Variants in FBXO36 observed in about 807,000 individuals in gnomAD.
FBXO36 encodes F-box only protein 36.
A neutral mutation model predicts 17.0 loss-of-function variants in FBXO36; 18 were observed. That is an observed-to-expected ratio of 1.06 (90% CI 0.73 to 1.57). The LOEUF (loss-of-function observed/expected upper bound fraction) is 1.57. Among genes scored for constraint, FBXO36 ranks in the 40% most tolerant of loss-of-function variants. The probability of loss-of-function intolerance (pLI) is 0.00; values close to 1 mark genes in which losing one functional copy is unlikely to be tolerated. For missense variants in FBXO36, 229 were observed against 221.9 expected (o/e 1.03, Z -0.20); for synonymous variants, 83 against 85.3 (o/e 0.97, Z 0.15).
chr2:229,953,324 G>A (rs1264677714), intron 1 of FBXO36, among the ~76,000 whole-genome samples: 1 of 151,262 alleles, frequency 6.6e-6, no homozygotes, highest in Non-Finnish European at 1.5e-5. Context: ...GGGCGACAGA[G>A]TGAGACTCTC....
chr2:229,994,464 G>A (rs556363666), intron 2 of FBXO36, among the ~76,000 whole-genome samples: 1 of 152,272 alleles, frequency 6.6e-6, no homozygotes, highest in South Asian at 2.1e-4. Flanking sequence ...AAGCTGGCAC[G>A]ATTGGGCTTT....
intron 1 of FBXO36, among the ~76,000 whole-genome samples, chr2:229,938,216 C>CTT (rs71049603): frequency 0.02 from 1,442 of 73,144 alleles, 59 homozygotes; most frequent in African/African-American, 0.035. Flanking sequence ...ATACAACTTT[C>CTT]TTTTTTTTTT....
At chr2:229,991,506 G>A (rs1177382178) in intron 2 of FBXO36, among the ~76,000 whole-genome samples, 2 of 152,168 alleles carry the variant, frequency 1.3e-5, no homozygotes, top group Non-Finnish European at 2.9e-5. Flanking sequence ...CAAAGAAGAA[G>A]TCATGTGAGC....
intron 2 of FBXO36, among the ~76,000 whole-genome samples, chr2:229,995,887 C>G (rs2106209761): frequency 6.6e-6 from 1 of 151,782 alleles, no homozygotes; most frequent in African/African-American, 2.4e-5. Flanking sequence ...CCTCCGTGCC[C>G]AGCCCTGTTC....
chr2:229,960,100 ATTAT>A (rs1268631211), intron 1 of FBXO36, among the ~76,000 whole-genome samples: 1 of 151,780 alleles, frequency 6.6e-6, no homozygotes, highest in Non-Finnish European at 1.5e-5. Flanking sequence ...TGATATTATA[ATTAT>A]TTATTATTAT....
At chr2:230,001,315 T>G (rs565274314) in intron 3 of FBXO36, among the ~76,000 whole-genome samples, 286 of 152,068 alleles carry the variant, frequency 1.9e-3, no homozygotes, top group African/African-American at 6.4e-3. Context: ...TGAGACAGAG[T>G]CTCGCTCTGT....
chr2:230,008,484 G>A (rs1450501785), intron 3 of FBXO36, among the ~76,000 whole-genome samples: 1 of 151,870 alleles, frequency 6.6e-6, no homozygotes, highest in Non-Finnish European at 1.5e-5. Context: ...CATAGATGGG[G>A]GTATTTTGTA....
Position 229,941,745 on chromosome 2 carries a change from G to A in FBXO36, c.96+19136G>A, listed in dbSNP as rs971633487. Among the ~76,000 whole-genome samples, 9 of 152,274 alleles carry A rather than the reference G, an allele frequency of 5.9e-5. No individual in the cohort carries two copies. In the South Asian group the frequency reaches 1.7e-3, roughly 28 times the overall value. On this transcript the variant is annotated intron_variant, in intron 1 of 3. Coordinates refer to ENST00000283946, the MANE Select transcript of FBXO36 (RefSeq NM_174899.5). ...GAACCCAAATTTTCAGGCCTGGCGC[G>A]GTAGCTCACACCTGCAATCCCAGCA...
intron 3 of FBXO36, among the ~76,000 whole-genome samples, chr2:230,000,451 G>T (rs1240029298): frequency 2.0e-5 from 3 of 151,736 alleles, no homozygotes; most frequent in South Asian, 2.1e-4. Context: ...TGCAAGTGGG[G>T]ATCTAGCAAA....
chr2:229,996,964 GTGCTTTCT>G, intron 3 of FBXO36, 41 bp downstream of exon 3: 1 of 1,569,488 alleles, frequency 6.4e-7, no homozygotes, highest in Admixed American at 2.0e-5. Context: ...AATTTTCCAT[GTGCTTTCT>G]AAAAAAAATT....
chr2:229,958,124 A>G (rs2077099701), intron 1 of FBXO36, among the ~76,000 whole-genome samples: 1 of 152,036 alleles, frequency 6.6e-6, no homozygotes, highest in Admixed American at 6.6e-5. Context: ...TTATTTTTTC[A>G]GAGGTTTGTT....
intron 1 of FBXO36, among the ~76,000 whole-genome samples, chr2:229,957,906 T>C (rs1406759063): frequency 6.6e-6 from 1 of 152,186 alleles, no homozygotes; most frequent in Non-Finnish European, 1.5e-5. Flanking sequence ...ACTACTAGAT[T>C]ACAGTTTTGT....
At chr2:229,934,198 G>A (rs960440749) in intron 1 of FBXO36, among the ~76,000 whole-genome samples, 5 of 151,720 alleles carry the variant, frequency 3.3e-5, no homozygotes, top group Non-Finnish European at 7.4e-5. Flanking sequence ...TCAGGCGATC[G>A]AGACCATCCT....
chr2:229,967,860 C>T (rs946655635), intron 1 of FBXO36, among the ~76,000 whole-genome samples: 16 of 152,170 alleles, frequency 1.1e-4, no homozygotes, highest in East Asian at 1.9e-4. Flanking sequence ...TGTCTCTGCC[C>T]GGCTTTGGTA....
chr2:229,943,862 T>C (rs1028122492), intron 1 of FBXO36, among the ~76,000 whole-genome samples: 3 of 152,190 alleles, frequency 2.0e-5, no homozygotes, highest in African/African-American at 7.2e-5. Flanking sequence ...TCAGTTCAAA[T>C]TGTAATCCCA....
At chr2:229,965,338 CT>C (rs950961857) in intron 1 of FBXO36, among the ~76,000 whole-genome samples, 55 of 148,450 alleles carry the variant, frequency 3.7e-4, no homozygotes, top group Middle Eastern at 3.4e-3. Flanking sequence ...AATGAATTTT[CT>C]TTTTTTTTCT....
chr2:230,005,883 A>G (rs951249033), intron 3 of FBXO36, among the ~76,000 whole-genome samples: 2 of 151,700 alleles, frequency 1.3e-5, no homozygotes, highest in Non-Finnish European at 2.9e-5. Context: ...GGCCAGGCTG[A>G]TCTTAAACTC....
chr2:229,922,747 TTCC>T (rs1355419028), intron 1 of FBXO36, 138 bp downstream of exon 1: 13 of 832,572 alleles, frequency 1.6e-5, no homozygotes, highest in Non-Finnish European at 2.2e-5. Flanking sequence ...CCGGGAGATT[TTCC>T]TCGTCACCTC....
At chr2:229,965,514 T>C (rs904350486) in intron 1 of FBXO36, among the ~76,000 whole-genome samples, 64 of 142,802 alleles carry the variant, frequency 4.5e-4, no homozygotes, top group African/African-American at 1.5e-3. Flanking sequence ...CCTAATGCTA[T>C]CCCTCCCCCC....
Sources: allele counts gnomAD v4.1 joint callset (sites outside exome capture counted in the v4.1 genomes callset), GRCh38; gene constraint gnomAD v4.1.1; transcripts MANE v1.5; gene names NCBI Gene and HGNC (gene_info 2026-07-23, HGNC 2026-07-21).